METTL24: variants seen among roughly 807,000 people sequenced by gnomAD.
METTL24 encodes methyltransferase like 24.
METTL24 carries 29 observed loss-of-function variants against 32.7 expected under a neutral mutation model. The observed-to-expected ratio is 0.89, with a 90% CI of 0.66 to 1.21. The LOEUF is 1.21. Among genes scored for constraint, METTL24 ranks in the 50% most tolerant of loss-of-function variants. The pLI, the probability that METTL24 is intolerant of heterozygous loss-of-function variation, is 0.00. For missense variants in METTL24, 439 were observed against 468.1 expected (o/e 0.94, Z 0.57); for synonymous variants, 163 against 179.5 (o/e 0.91, Z 0.73).
chr6:110,312,859 G>C (rs1288993083), intron 3 of METTL24, among the ~76,000 whole-genome samples: 4 of 152,236 alleles, frequency 2.6e-5, no homozygotes, highest in African/African-American at 9.6e-5. Flanking sequence ...AACAAAAGCA[G>C]AGATTTTTTG....
intron 4 of METTL24, among the ~76,000 whole-genome samples, chr6:110,282,396 G>A (rs1277000481): frequency 2.6e-5 from 4 of 152,110 alleles, no homozygotes; most frequent in African/African-American, 9.7e-5. Context: ...TGCCCATGTG[G>A]GGAGTAACTG....
At chr6:110,302,118 A>T (rs1184262826) in intron 3 of METTL24, among the ~76,000 whole-genome samples, 1 of 152,014 alleles carries the variant, frequency 6.6e-6, no homozygotes, top group Non-Finnish European at 1.5e-5. Context: ...TACTAAAAAA[A>T]TACAAAAACA....
chr6:110,270,710 T>C (rs1040870605), intron 4 of METTL24, among the ~76,000 whole-genome samples: 15 of 152,198 alleles, frequency 9.9e-5, no homozygotes, highest in African/African-American at 3.6e-4. Context: ...TAAGTTACTC[T>C]AGGTTTTTTA....
At chr6:110,300,510 G>A (rs11751792) in intron 3 of METTL24, among the ~76,000 whole-genome samples, 25,013 of 147,864 alleles carry the variant, frequency 0.17, 2,569 homozygotes, top group African/African-American at 0.3. Flanking sequence ...AACCTCTGCC[G>A]CCAGGGTTCA....
chr6:110,318,347 C>T (rs1486630921), intron 2 of METTL24, among the ~76,000 whole-genome samples: 1 of 152,186 alleles, frequency 6.6e-6, no homozygotes, highest in Non-Finnish European at 1.5e-5. Flanking sequence ...CCTTTCTTAG[C>T]TCAGAAATAA....
intron 4 of METTL24, among the ~76,000 whole-genome samples, chr6:110,273,047 T>C (rs1380398254): frequency 1.3e-5 from 2 of 152,158 alleles, no homozygotes; most frequent in Non-Finnish European, 2.9e-5. Flanking sequence ...CCTAAGCCAA[T>C]GTCTAGAAGA....
Position 110,358,153 on chromosome 6 carries a change from G to T in METTL24, c.120C>A (p.Ser40=). ...GGCCCGGCGGGGCGCTGCGGGTGGG[G>T]GACCCGGGCCCGGCGCGCCGCAGCT... ...CAELRRAGPG[S]PTRSAPPGPA... is the part of the protein sequence containing the mutation. The change falls in exon 1 of 5, where the codon TCC becomes TCA. Residue 40 remains serine (S), a synonymous_variant. Coordinates refer to ENST00000338882, the MANE Select transcript of METTL24 (RefSeq NM_001123364.3). 1 of 1,188,590 alleles carries T rather than the reference G, an allele frequency of 8.4e-7. No individual in the cohort carries two copies. The highest frequency in any genetic ancestry group is 1.0e-6 in the Non-Finnish European group (1 of 961,570). The allele number at this position is 1,188,590 out of a possible 1,614,324, so 73.6% of individuals were successfully genotyped here. A position where few individuals can be genotyped will look rare whatever the true frequency, so the allele number is the denominator to read the frequency against.
At chr6:110,272,779 G>A (rs1770980133) in intron 4 of METTL24, among the ~76,000 whole-genome samples, 1 of 151,914 alleles carries the variant, frequency 6.6e-6, no homozygotes, top group African/African-American at 2.4e-5. Flanking sequence ...TTTGAGAATT[G>A]TCTATTCATG....
intron 4 of METTL24, among the ~76,000 whole-genome samples, chr6:110,267,344 G>A (rs73765692): frequency 0.072 from 10,921 of 152,246 alleles, 577 homozygotes; most frequent in African/African-American, 0.16. Flanking sequence ...TTTATGTAGT[G>A]ATTAGAATGA....
At chr6:110,310,336 G>A (rs1322884736) in intron 3 of METTL24, among the ~76,000 whole-genome samples, 1 of 151,946 alleles carries the variant, frequency 6.6e-6, no homozygotes, top group Non-Finnish European at 1.5e-5. Context: ...TCATGCCCAC[G>A]CCTACCCCTA....
chr6:110,286,389 T>A (rs919844052), intron 4 of METTL24, among the ~76,000 whole-genome samples: 1 of 152,180 alleles, frequency 6.6e-6, no homozygotes, highest in African/African-American at 2.4e-5. Flanking sequence ...TCAGAACAAC[T>A]AAATCACAAT....
chr6:110,350,609 T>A (rs575939525), intron 1 of METTL24, among the ~76,000 whole-genome samples: 2 of 151,872 alleles, frequency 1.3e-5, no homozygotes, highest in African/African-American at 4.8e-5. Context: ...TAAATACTGA[T>A]ACTTACGTTC....
chr6:110,355,506 C>A (rs928797391), intron 1 of METTL24, among the ~76,000 whole-genome samples: 1 of 152,174 alleles, frequency 6.6e-6, no homozygotes. Context: ...GAGCCCCAGG[C>A]CACAGGCTCG....
intron 4 of METTL24, among the ~76,000 whole-genome samples, chr6:110,298,496 G>T (rs1457356151): frequency 6.6e-6 from 1 of 151,948 alleles, no homozygotes; most frequent in African/African-American, 2.4e-5. Flanking sequence ...TGAGAAACAT[G>T]TCACAACAGT....
At chr6:110,319,096 C>T (rs2114751002) in intron 2 of METTL24, among the ~76,000 whole-genome samples, 1 of 152,244 alleles carries the variant, frequency 6.6e-6, no homozygotes, top group Non-Finnish European at 1.5e-5. Context: ...TCTGCCAACC[C>T]ATAAGTAGAA....
At chr6:110,261,720 A>G (rs572245745) in intron 4 of METTL24, among the ~76,000 whole-genome samples, 2 of 152,314 alleles carry the variant, frequency 1.3e-5, no homozygotes, top group African/African-American at 4.8e-5. Context: ...TTGGAAGTAA[A>G]GCACTCCTCA....
At chr6:110,255,831 G>A (rs1211735758) in intron 4 of METTL24, among the ~76,000 whole-genome samples, 1 of 152,130 alleles carries the variant, frequency 6.6e-6, no homozygotes, top group African/African-American at 2.4e-5. Context: ...ACATGTTCTT[G>A]GGGTTCAGTG....
chr6:110,325,693 C>T (rs1201342275), intron 1 of METTL24, among the ~76,000 whole-genome samples: 2 of 152,170 alleles, frequency 1.3e-5, no homozygotes, highest in Non-Finnish European at 2.9e-5. Flanking sequence ...AGAGACTGGG[C>T]TCACAGACAC....
chr6:110,333,205 T>C (rs917279871), intron 1 of METTL24, among the ~76,000 whole-genome samples: 1 of 152,086 alleles, frequency 6.6e-6, no homozygotes, highest in Non-Finnish European at 1.5e-5. Flanking sequence ...CCCTGAGACG[T>C]CAGTGTATTC....
Sources: gnomAD v4.1 joint callset for allele counts (sites outside exome capture counted in the v4.1 genomes callset) on GRCh38, gnomAD v4.1.1 for gene constraint, MANE v1.5 for transcripts, NCBI Gene and HGNC (gene_info 2026-07-23, HGNC 2026-07-21) for gene names.